DNAAF9: variants seen among roughly 807,000 people sequenced by gnomAD.
DNAAF9 encodes the protein dynein axonemal assembly factor 9, also known as shulin.
DNAAF9 carries 90 observed loss-of-function variants against 167.0 expected under a neutral mutation model. That is an observed-to-expected ratio of 0.54 (90% CI 0.45 to 0.64). DNAAF9 has a LOEUF of 0.64. Among genes scored for constraint, DNAAF9 ranks in the 30% least tolerant of loss-of-function variants. The pLI is 0.00. For synonymous variants in DNAAF9, 491 were observed against 508.8 expected (o/e 0.96, Z 0.47); for missense variants, 1,315 against 1,442.2 (o/e 0.91, Z 1.43).
intron 7 of DNAAF9, among the ~76,000 whole-genome samples, chr20:3,352,711 T>C (rs901767009): frequency 1.3e-5 from 2 of 152,118 alleles, no homozygotes; most frequent in Non-Finnish European, 2.9e-5. Flanking sequence ...CAAGTGCTTA[T>C]TATCAGACCT....
At chr20:3,294,677 T>C (rs1019710952) in intron 23 of DNAAF9, 48 bp from the exon 24 acceptor site, 5 of 1,242,220 alleles carry the variant, frequency 4.0e-6, no homozygotes, top group African/African-American at 1.5e-5. Flanking sequence ...TCCTTCAGCA[T>C]ATACACTTTA....
intron 16 of DNAAF9, among the ~76,000 whole-genome samples, chr20:3,321,767 C>G (rs543725043): frequency 6.6e-6 from 1 of 152,198 alleles, no homozygotes; most frequent in African/African-American, 2.4e-5. Context: ...GACACGGGGT[C>G]TCACTACGCT....
chr20:3,259,353 TG>T, intron 33 of DNAAF9, 126 bp downstream of exon 33: 1 of 725,422 alleles, frequency 1.4e-6, no homozygotes, highest in Non-Finnish European at 2.5e-6. Flanking sequence ...AGGCCCAGGG[TG>T]GGGAAGGTTT....
rs369350116 is a variant in DNAAF9, at chr20:3,259,601, C to A, written c.2981-47G>T. The A allele has an allele frequency of 5.3e-6, 7 of 1,320,008 alleles. No homozygotes were observed. The African/African-American group carries it at 5.8e-5, about 11-fold the overall frequency. The allele number at this position is 1,320,008 out of a possible 1,614,324, so 81.8% of individuals were successfully genotyped here. Reference sequence around the variant, plus strand: ...GCTGTCACCCACATGGAGGCACAGGCCAAATTCAGGACAGCACAGCTGGGA... The same window carrying A: ...GCTGTCACCCACATGGAGGCACAGGACAAATTCAGGACAGCACAGCTGGGA... On this transcript the variant is annotated intron_variant, in intron 32 of 36. Transcript: ENST00000252032.
intron 6 of DNAAF9, among the ~76,000 whole-genome samples, chr20:3,372,234 A>T (rs557779200): frequency 6.6e-6 from 1 of 152,314 alleles, no homozygotes; most frequent in South Asian, 2.1e-4. Context: ...TGGAGTAGAG[A>T]GGGCACTGGC....
At chr20:3,324,830 A>C in intron 14 of DNAAF9, 62 bp downstream of exon 14, 1 of 837,404 alleles carries the variant, frequency 1.2e-6, no homozygotes, top group Non-Finnish European at 2.0e-6. Context: ...TTATAAGGGA[A>C]AAAAGAATAT....
Position 3,278,902 on chromosome 20 carries a change from T to C in DNAAF9, c.2650+10A>G, listed in dbSNP as rs1233858452. ...AGGCATGCAGGCTGAAAATAAAGTATATTACTTACCTTGTGAACACTGGTC... is the reference window on the plus strand; with the variant it reads ...AGGCATGCAGGCTGAAAATAAAGTACATTACTTACCTTGTGAACACTGGTC... On this transcript the variant is annotated intron_variant, in intron 29 of 36. Transcript: ENST00000252032. 1.9e-6 allele frequency: 3 copies of C among 1,580,016 alleles called. No individual in the cohort carries two copies. The highest frequency in any genetic ancestry group is 2.2e-5 in the East Asian group (1 of 44,720).
At chr20:3,266,383 A>T (rs549187508) in intron 30 of DNAAF9, among the ~76,000 whole-genome samples, 1 of 152,260 alleles carries the variant, frequency 6.6e-6, no homozygotes, top group Non-Finnish European at 1.5e-5. Flanking sequence ...ACAGTCTTTC[A>T]CCTAGTGCTT....
chr20:3,350,156 G>GACACACACACACACACACAC (rs35251429), intron 7 of DNAAF9, among the ~76,000 whole-genome samples: 184 of 89,950 alleles, frequency 2.0e-3, no homozygotes, highest in Non-Finnish European at 3.1e-3. Flanking sequence ...CAGACACACA[G>GACACACACACACACACACAC]ACACACACAC....
chr20:3,349,549 G>C (rs1056539046), intron 7 of DNAAF9, among the ~76,000 whole-genome samples: 2 of 152,064 alleles, frequency 1.3e-5, no homozygotes, highest in African/African-American at 4.8e-5. Context: ...TAAAGGGAAG[G>C]GTGGCACAGA....
At chr20:3,407,314 GA>G (rs1170454232) in intron 1 of DNAAF9, among the ~76,000 whole-genome samples, 160 bp downstream of exon 1, 4 of 152,212 alleles carry the variant, frequency 2.6e-5, no homozygotes, top group African/African-American at 9.6e-5. Context: ...GGCCTCTACA[GA>G]GGGCGCCGTT....
chr20:3,252,768 G>A, intron 36 of DNAAF9, 84 bp from the exon 37 acceptor site: 1 of 810,600 alleles, frequency 1.2e-6, no homozygotes, highest in Non-Finnish European at 2.2e-6. Flanking sequence ...AGGCAGGTGA[G>A]GGGGGTTTGC....
chr20:3,387,513 CAT>C (rs1331838118), intron 1 of DNAAF9, among the ~76,000 whole-genome samples: 1 of 152,056 alleles, frequency 6.6e-6, no homozygotes, highest in Non-Finnish European at 1.5e-5. Context: ...AAGACCTAAA[CAT>C]AAACATAAAA....
intron 1 of DNAAF9, among the ~76,000 whole-genome samples, chr20:3,388,471 A>T (rs946324719): frequency 1.3e-5 from 2 of 152,208 alleles, no homozygotes; most frequent in African/African-American, 4.8e-5. Flanking sequence ...TATAAATTCC[A>T]AAGAATTGAA....
intron 20 of DNAAF9, among the ~76,000 whole-genome samples, chr20:3,310,262 A>G (rs965882786): frequency 1.3e-5 from 2 of 150,278 alleles, no homozygotes; most frequent in Non-Finnish European, 2.9e-5. Flanking sequence ...AGAGAGAGAG[A>G]GAAAGAAAGA....
chr20:3,322,564 G>A (rs2069635441), intron 15 of DNAAF9, 88 bp downstream of exon 15: 2 of 1,060,300 alleles, frequency 1.9e-6, no homozygotes, highest in African/African-American at 1.6e-5. Context: ...GTGGAAGCAT[G>A]AGAAAACCAC....
chr20:3,353,549 G>T (rs1033389232), intron 7 of DNAAF9, among the ~76,000 whole-genome samples: 5 of 151,610 alleles, frequency 3.3e-5, no homozygotes, highest in Non-Finnish European at 7.4e-5. Flanking sequence ...AACCACTTGA[G>T]ACTGGGAGGC....
At chr20:3,360,611 C>T (rs994861454) in intron 6 of DNAAF9, among the ~76,000 whole-genome samples, 1 of 152,128 alleles carries the variant, frequency 6.6e-6, no homozygotes, top group African/African-American at 2.4e-5. Context: ...CAACCAATTT[C>T]GGGGATCTGC....
chr20:3,259,523 G>C lies in DNAAF9; in HGVS notation c.3012C>G (p.Phe1004Leu), dbSNP rs374638253. Residue 1004 changes from phenylalanine (F) to leucine (L), a missense_variant, in exon 33 of 37, where the codon TTC becomes TTG. Phe to Leu is a conservative substitution (Grantham distance 22, BLOSUM62 0). Coordinates refer to ENST00000252032, the MANE Select transcript of DNAAF9 (RefSeq NM_001009984.3). ...CCAGGATGTGGTAGATGTTTCCGGA[G>C]AAGGGACTTGGCTTGATGGAGGACT... ...AIQSSIKPSP[F>L]SGNIYHILGK... 21 of 1,613,054 alleles carry C rather than the reference G, an allele frequency of 1.3e-5. No individual in the cohort carries two copies. The highest frequency in any genetic ancestry group is 1.8e-5 in the Non-Finnish European group (21 of 1,178,968).
Sources: gnomAD v4.1 joint callset for allele counts (sites outside exome capture counted in the v4.1 genomes callset) on GRCh38, gnomAD v4.1.1 for gene constraint, MANE v1.5 for transcripts, NCBI Gene and HGNC (gene_info 2026-07-23, HGNC 2026-07-21) for gene names.